The following CDH11 variants were observed in gnomAD, a reference collection of about 807,000 sequenced individuals.
The protein encoded by CDH11 is cadherin 11, also known as cadherin-11.
CDH11 carries 11 observed loss-of-function variants against 67.8 expected under a neutral mutation model. The ratio of observed to expected loss-of-function variants is 0.16; its 90% CI spans 0.10 to 0.27. The LOEUF (loss-of-function observed/expected upper bound fraction) is 0.27, where lower values mean the gene tolerates loss of function less well. CDH11 is among the 10% of genes least tolerant of loss of function. The pLI, the probability that CDH11 is intolerant of heterozygous loss-of-function variation, is 1.00. For synonymous variants in CDH11, 419 were observed against 400.0 expected (o/e 1.05, Z -0.57); for missense variants, 847 against 1,031.2 (o/e 0.82, Z 2.45).
intron 1 of CDH11, among the ~76,000 whole-genome samples, chr16:65,085,546 G>C (rs1331104701): frequency 1.3e-5 from 2 of 152,190 alleles, no homozygotes; most frequent in Non-Finnish European, 2.9e-5. Context: ...CTTAACACGT[G>C]TCAAAATTAG....
intron 3 of CDH11, among the ~76,000 whole-genome samples, chr16:64,999,982 G>A (rs1731735715): frequency 6.6e-6 from 1 of 152,172 alleles, no homozygotes; most frequent in African/African-American, 2.4e-5. Flanking sequence ...GAGGATCTGG[G>A]GATGTGGCCT....
intron 2 of CDH11, among the ~76,000 whole-genome samples, chr16:65,008,505 T>A (rs1231703722): frequency 6.6e-6 from 1 of 152,210 alleles, no homozygotes; most frequent in Non-Finnish European, 1.5e-5. Flanking sequence ...TTAGCTACTG[T>A]TCTAAAAGCT....
intron 1 of CDH11, among the ~76,000 whole-genome samples, chr16:65,094,061 T>A (rs1461829254): frequency 6.6e-6 from 1 of 152,232 alleles, no homozygotes; most frequent in Non-Finnish European, 1.5e-5. Context: ...CCCATTTATT[T>A]AAGGCCTCTC....
intron 1 of CDH11, among the ~76,000 whole-genome samples, chr16:65,113,934 A>G (rs910092006): frequency 5.9e-5 from 9 of 152,206 alleles, no homozygotes; most frequent in African/African-American, 1.4e-4. Context: ...TGAAACTAAC[A>G]AAGTGTTCAA....
rs1020622523 is a variant in CDH11 at position 65,059,591 on chromosome 16, A to G, written c.-297-5663T>C. The G allele has an allele frequency of 4.6e-5, 7 of 152,122 alleles. No homozygotes were observed. The South Asian group carries it at 8.3e-4, about 18-fold the overall frequency. 9.4% of individuals were successfully genotyped at this position (152,122 alleles called of 1,614,324 possible). A position where few individuals can be genotyped will look rare whatever the true frequency, so the allele number is the denominator to read the frequency against. On this transcript the variant is annotated intron_variant, in intron 1 of 12. Transcript: ENST00000268603. ...ATCCGGCATTGTCCAGGCCTGATAA[A>G]AAGACTAGAGGCCTTGAAAAGCCGG...
intron 1 of CDH11, among the ~76,000 whole-genome samples, chr16:65,054,588 G>A (rs1170834985): frequency 1.3e-5 from 2 of 152,088 alleles, no homozygotes; most frequent in Admixed American, 1.3e-4. Context: ...CTCCCAAAAT[G>A]TCTAACACAT....
In CDH11 at chr16:64,946,023, A is replaced by G. The variant is rs1472688024; in HGVS notation, c.*1580T>C. The G allele has an allele frequency of 9.4e-7, 1 of 1,058,808 alleles. No homozygotes were observed. Among genetic ancestry groups the G allele is most frequent in the African/African-American group, 1.6e-5 (1 of 60,710 alleles). The allele number at this position is 1,058,808 out of a possible 1,614,324, so 65.6% of individuals were successfully genotyped here. A position where few individuals can be genotyped will look rare whatever the true frequency, so the allele number is the denominator to read the frequency against. ...CCCTTCACATAAGTTTCAATCCCCA[A>G]GAAACTAGCTGGAATGCAGGGGACT... is the stretch of plus-strand genomic sequence containing the variant. On this transcript the variant is annotated 3_prime_UTR_variant, in exon 13 of 13. Coordinates refer to ENST00000268603, the MANE Select transcript of CDH11 (RefSeq NM_001797.4).
At chr16:65,102,961 C>T (rs898418580) in intron 1 of CDH11, among the ~76,000 whole-genome samples, 1 of 152,178 alleles carries the variant, frequency 6.6e-6, no homozygotes, top group Non-Finnish European at 1.5e-5. Context: ...CTACTGCTGT[C>T]TATCAATTCA....
intron 1 of CDH11, among the ~76,000 whole-genome samples, chr16:65,095,555 C>T (rs545520167): frequency 2.0e-5 from 3 of 152,184 alleles, no homozygotes; most frequent in African/African-American, 7.2e-5. Context: ...AATCAGTTTA[C>T]TTTAAGTGTG....
At chr16:64,952,967 A>C (rs2071401741) in intron 11 of CDH11, among the ~76,000 whole-genome samples, 1 of 152,168 alleles carries the variant, frequency 6.6e-6, no homozygotes, top group African/African-American at 2.4e-5. Context: ...GGATGTTCAA[A>C]GTCCTTATAT....
chr16:65,117,282 A>C (rs1306352417), intron 1 of CDH11, among the ~76,000 whole-genome samples: 1 of 152,228 alleles, frequency 6.6e-6, no homozygotes, highest in Non-Finnish European at 1.5e-5. Flanking sequence ...AACTGTACTC[A>C]CTTAAGACAA....
At chr16:65,039,872 AAAC>A (rs2073831552) in intron 2 of CDH11, among the ~76,000 whole-genome samples, 1 of 152,338 alleles carries the variant, frequency 6.6e-6, no homozygotes, top group Admixed American at 6.5e-5. Context: ...AAGAAAAAAC[AAAC>A]AACCCCATCA....
chr16:65,040,563 G>C (rs938690224), intron 2 of CDH11, among the ~76,000 whole-genome samples: 1 of 152,028 alleles, frequency 6.6e-6, no homozygotes, highest in Non-Finnish European at 1.5e-5. Context: ...TTGTGGGGTG[G>C]GGGGAGGAGG....
intron 11 of CDH11, among the ~76,000 whole-genome samples, chr16:64,954,254 C>T (rs756520083): frequency 2.6e-5 from 4 of 152,176 alleles, no homozygotes; most frequent in Admixed American, 6.5e-5. Flanking sequence ...TCAGTAGGAT[C>T]GCAAGAACTT....
chr16:65,087,385 G>A (rs1458480992), intron 1 of CDH11, among the ~76,000 whole-genome samples: 1 of 152,094 alleles, frequency 6.6e-6, no homozygotes, highest in Non-Finnish European at 1.5e-5. Flanking sequence ...TAACTTGTAG[G>A]AAACATGTTT....
intron 2 of CDH11, 49 bp from the exon 3 acceptor site, chr16:65,005,090 A>C: frequency 7.5e-7 from 1 of 1,333,096 alleles, no homozygotes; most frequent in South Asian, 2.1e-5. Flanking sequence ...TCCCCACTTC[A>C]TTTCCATTCC....
Position 65,121,060 on chromosome 16 carries a change from C to G in CDH11, c.-298+820G>C, listed in dbSNP as rs973739059. 3.3e-5 allele frequency among the ~76,000 whole-genome samples: 5 copies of G among 152,300 alleles called. No individual in the cohort carries two copies. The highest frequency in any genetic ancestry group is 1.2e-4 in the African/African-American group (5 of 41,586). ...GAGAGGCTTGGCGCGCTCCGAGAAG[C>G]GGCGCAGGTTTCGGGAAGGTGTGGT... On this transcript the variant is annotated intron_variant, in intron 1 of 12. Transcript: ENST00000268603. The surrounding 1 kb of genome is among the most constrained non-coding windows in gnomAD (Gnocchi z 4.1).
At chr16:64,950,426 C>T (rs1421372753) in intron 12 of CDH11, among the ~76,000 whole-genome samples, 1 of 152,088 alleles carries the variant, frequency 6.6e-6, no homozygotes. Context: ...TGCCCAAATT[C>T]CTCTTATGCC....
chr16:65,116,278 C>G (rs1235536905), intron 1 of CDH11, among the ~76,000 whole-genome samples: 2 of 152,182 alleles, frequency 1.3e-5, no homozygotes, highest in Admixed American at 6.5e-5. Flanking sequence ...AGCAGGGACT[C>G]TACCCTAAAT....
Sources: gnomAD v4.1 joint callset for allele counts (sites outside exome capture counted in the v4.1 genomes callset) on GRCh38, gnomAD v4.1.1 for gene constraint, Gnocchi (gnomAD v3.1) non-coding constraint, MANE v1.5 for transcripts, NCBI Gene and HGNC (gene_info 2026-07-23, HGNC 2026-07-21) for gene names.